CAMK2B: variants seen among roughly 807,000 people sequenced by gnomAD.
CAMK2B encodes the protein calcium/calmodulin dependent protein kinase II beta, also known as calcium/calmodulin-dependent protein kinase type II subunit beta.
Under a neutral mutation model 93.7 loss-of-function variants are expected in CAMK2B, and 27 were observed. That is an observed-to-expected ratio of 0.29 (90% CI 0.21 to 0.40). CAMK2B has a LOEUF of 0.40. Ranked by LOEUF, CAMK2B falls within the 10% of genes least tolerant of loss-of-function variation. CAMK2B has a pLI of 1.00. For synonymous variants in CAMK2B, 374 were observed against 358.8 expected, an observed-to-expected ratio of 1.04 and a Z score of -0.48; for missense variants, 568 against 895.8, an observed-to-expected ratio of 0.63 and a Z score of 4.67.
At chr7:44,256,705 T>C (rs568264901) in intron 4 of CAMK2B, among the ~76,000 whole-genome samples, 2 of 152,340 alleles carry the variant, frequency 1.3e-5, no homozygotes, top group South Asian at 4.1e-4. Flanking sequence ...TAAAAGGCCT[T>C]ACGGTCTTGA....
chr7:44,259,182 T>G (rs567188282), intron 3 of CAMK2B, among the ~76,000 whole-genome samples: 7 of 152,234 alleles, frequency 4.6e-5, no homozygotes, highest in Non-Finnish European at 1.0e-4. Flanking sequence ...TGCCAGTGCC[T>G]CACCCTCCGC....
At chr7:44,230,977 TG>T (rs540063043) in intron 17 of CAMK2B, 28 bp downstream of exon 17, 1,359 of 1,548,912 alleles carry the variant, frequency 8.8e-4, no homozygotes, top group Non-Finnish European at 1.1e-3. Context: ...CCAAGGCCGC[TG>T]GGGGGGCAAG....
At chr7:44,238,685 G>A (rs2128951095) in intron 13 of CAMK2B, among the ~76,000 whole-genome samples, 1 of 152,322 alleles carries the variant, frequency 6.6e-6, no homozygotes, top group East Asian at 1.9e-4. Flanking sequence ...ACCTCTGCCG[G>A]GTCCCCAGCC....
intron 2 of CAMK2B, among the ~76,000 whole-genome samples, chr7:44,274,944 C>T (rs570167063): frequency 3.9e-5 from 6 of 152,182 alleles, no homozygotes; most frequent in Non-Finnish European, 5.9e-5. Context: ...GGAGGGCAAC[C>T]CTCCATCTAT....
At chr7:44,305,441 C>A (rs1791194045) in intron 1 of CAMK2B, among the ~76,000 whole-genome samples, 1 of 152,190 alleles carries the variant, frequency 6.6e-6, no homozygotes, top group African/African-American at 2.4e-5. Context: ...TTATGATGCA[C>A]CTCTGCACCC....
At chr7:44,245,602 G>A (rs2096722043) in intron 6 of CAMK2B, among the ~76,000 whole-genome samples, 1 of 152,192 alleles carries the variant, frequency 6.6e-6, no homozygotes, top group Non-Finnish European at 1.5e-5. Flanking sequence ...CCCGAGGGGA[G>A]CACCTGGGGG....
rs771962013 is a variant in CAMK2B, at chr7:44,312,829, G to A, written c.65+12528C>T. Among the ~76,000 whole-genome samples the A allele has an allele frequency of 1.3e-5, 2 of 152,172 alleles. No individual in the cohort carries two copies. Among genetic ancestry groups the A allele is most frequent in the African/African-American group, 2.4e-5 (1 of 41,438 alleles). On this transcript the variant is annotated intron_variant, in intron 1 of 23. Transcript: ENST00000395749. The surrounding 1 kb of genome is among the most constrained non-coding windows in gnomAD (Gnocchi z 4.1). ...ATAAAATGAACCTGGCCTCAGGCATGCAGAGGAGTTGTGAAAAGCATCAAA... is the reference window on the plus strand; with the variant it reads ...ATAAAATGAACCTGGCCTCAGGCATACAGAGGAGTTGTGAAAAGCATCAAA...
Position 44,225,517 on chromosome 7 carries a change from C to T in CAMK2B, c.1597+999G>A, listed in dbSNP as rs1487511703. Among the ~76,000 whole-genome samples, 2 of 152,166 alleles carry T rather than the reference C, an allele frequency of 1.3e-5. No individual in the cohort carries two copies. The highest frequency in any genetic ancestry group is 4.8e-5 in the African/African-American group (2 of 41,450). ...CCCTCAGTCAACCCCTGCTGGGGGT[C>T]CTCAGCCGACCACAGAAGCTCTGGG... On this transcript the variant is annotated intron_variant, in intron 20 of 23. Transcript: ENST00000395749. The surrounding 1 kb of genome is among the most constrained non-coding windows in gnomAD (Gnocchi z 5.0).
At chr7:44,256,393 G>A (rs940467324) in intron 4 of CAMK2B, among the ~76,000 whole-genome samples, 4 of 152,272 alleles carry the variant, frequency 2.6e-5, no homozygotes, top group East Asian at 1.9e-4. Context: ...GTGCCCATGC[G>A]TGCACTCATG....
At chr7:44,256,109 TCACTCCTCTGC>T (rs1475957869) in intron 4 of CAMK2B, among the ~76,000 whole-genome samples, 1 of 152,166 alleles carries the variant, frequency 6.6e-6, no homozygotes, top group Non-Finnish European at 1.5e-5. Flanking sequence ...TCACCCTCGC[TCACTCCTCTGC>T]CTGCCTCTCC....
intron 17 of CAMK2B, chr7:44,230,245 T>C (rs145257841): frequency 6.6e-6 from 1 of 152,492 alleles, no homozygotes; most frequent in Non-Finnish European, 1.5e-5. Context: ...TCAGGGACAG[T>C]GTCATAGCTG....
chr7:44,219,740 T>C, intron 23 of CAMK2B: 1 of 421,992 alleles, frequency 2.4e-6, no homozygotes, highest in Non-Finnish European at 4.2e-6. Flanking sequence ...CATCTGGGGC[T>C]CTAACAGTCC....
chr7:44,317,858 T>C (rs898261479), intron 1 of CAMK2B, among the ~76,000 whole-genome samples: 1 of 151,892 alleles, frequency 6.6e-6, no homozygotes, highest in Non-Finnish European at 1.5e-5. Context: ...TATGAAGGAG[T>C]GTGGGCTTAG....
At position 44,271,676 on chromosome 7, in the gene CAMK2B, C is replaced by T. The variant is rs2096975882; in HGVS notation, c.161-8612G>A. On this transcript the variant is annotated intron_variant, in intron 2 of 23. Transcript: ENST00000395749. This position sits in a 1 kb window ranked among gnomAD's most constrained non-coding sequence, Gnocchi z 4.2. ...TGGGTGGGGACGAAGGAGTGGCTTC[C>T]AGCAGCCCCTCTCCTCTGACTCTCC... Among the ~76,000 whole-genome samples the T allele has an allele frequency of 6.6e-6, 1 of 152,242 alleles. No individual in the cohort carries two copies. The highest frequency in any genetic ancestry group is 1.9e-4 in the East Asian group (1 of 5,204).
At position 44,233,110 on chromosome 7, in the gene CAMK2B, G is replaced by A. The variant is rs1375431747; in HGVS notation, c.1132-244C>T. Among the ~76,000 whole-genome samples the A allele has an allele frequency of 4.6e-5, 7 of 152,252 alleles. No homozygotes were observed. In the East Asian group the frequency reaches 1.4e-3, roughly 29 times the overall value. On this transcript the variant is annotated intron_variant, in intron 15 of 23. Coordinates refer to ENST00000395749, the MANE Select transcript of CAMK2B (RefSeq NM_001220.5). ...CTCTGTCCAGGCTGGCGGAGGTGCT[G>A]CTGTCCAGGGTGGGAGATGGACCGT...
At chr7:44,261,239 C>T (rs1207591830) in intron 3 of CAMK2B, among the ~76,000 whole-genome samples, 1 of 152,214 alleles carries the variant, frequency 6.6e-6, no homozygotes, top group Admixed American at 6.5e-5. Flanking sequence ...GGGGGCTGCC[C>T]AATAAGCCCA....
At chr7:44,279,489 G>A (rs373377435) in intron 2 of CAMK2B, among the ~76,000 whole-genome samples, 2 of 152,190 alleles carry the variant, frequency 1.3e-5, no homozygotes, top group Non-Finnish European at 2.9e-5. Context: ...GGCATCCTGC[G>A]GGAAGGTCAC....
Position 44,247,092 on chromosome 7 carries a change from C to A in CAMK2B, c.414+28G>T, listed in dbSNP as rs576125306. ...AGCATGCAGGTACAGACAACAGACA[C>A]CTGGCACAGAGTGGGGTGGGGACTC... On this transcript the variant is annotated intron_variant, in intron 6 of 23. Transcript: ENST00000395749. 3.1e-6 allele frequency: 5 copies of A among 1,588,448 alleles called. 1 individual carries two copies. The South Asian group carries it at 3.3e-5, about 11-fold the overall frequency.
At chr7:44,325,841 A>T, upstream of CAMK2B, 1 of 132,348 alleles carries the variant, frequency 7.6e-6, no homozygotes, top group Admixed American at 7.4e-5. Flanking sequence ...ACCTGCACTC[A>T]CACGCGCGCC....
Sources: gnomAD v4.1 joint callset for allele counts (sites outside exome capture counted in the v4.1 genomes callset) on GRCh38, gnomAD v4.1.1 for gene constraint, Gnocchi (gnomAD v3.1) non-coding constraint, MANE v1.5 for transcripts, NCBI Gene and HGNC (gene_info 2026-07-23, HGNC 2026-07-21) for gene names.